CTNND2: variants seen among roughly 807,000 people sequenced by gnomAD.
CTNND2 encodes the protein catenin delta-2.
A neutral mutation model predicts 144.4 loss-of-function variants in CTNND2; 22 were observed. That is an observed-to-expected ratio of 0.15 (90% CI 0.11 to 0.22). The LOEUF (loss-of-function observed/expected upper bound fraction) is 0.22, where lower values mean the gene tolerates loss of function less well. CTNND2 is among the 10% of genes least tolerant of loss of function. The probability of loss-of-function intolerance (pLI) is 1.00; values close to 1 mark genes in which losing one functional copy is unlikely to be tolerated. For synonymous variants in CTNND2, 751 were observed against 695.6 expected (o/e 1.08, Z -1.25); for missense variants, 1,353 against 1,618.8 (o/e 0.84, Z 2.82).
chr5:10,985,180 G>A (rs2149490882), intron 20 of CTNND2, among the ~76,000 whole-genome samples: 1 of 152,332 alleles, frequency 6.6e-6, no homozygotes, highest in Middle Eastern at 3.4e-3. Context: ...AGGGTATGTG[G>A]GAAGTTCAGA....
At chr5:11,831,066 A>ATG (rs1561841176) in intron 1 of CTNND2, among the ~76,000 whole-genome samples, 8 of 152,076 alleles carry the variant, frequency 5.3e-5, no homozygotes. Flanking sequence ...GTGTGTGTTT[A>ATG]TGTGTGTCTG....
chr5:11,783,443 A>G (rs2126853069), intron 1 of CTNND2, among the ~76,000 whole-genome samples: 1 of 152,242 alleles, frequency 6.6e-6, no homozygotes, highest in Non-Finnish European at 1.5e-5. Context: ...TAAGTTGACC[A>G]AAGGCATCCT....
chr5:11,652,819 G>T (rs1317499029), intron 2 of CTNND2, among the ~76,000 whole-genome samples: 1 of 152,072 alleles, frequency 6.6e-6, no homozygotes, highest in African/African-American at 2.4e-5. Context: ...TTAATCTCAA[G>T]AATTTGTTAA....
At chr5:11,228,879 GA>G (rs995210555) in intron 10 of CTNND2, among the ~76,000 whole-genome samples, 1 of 152,092 alleles carries the variant, frequency 6.6e-6, no homozygotes, top group African/African-American at 2.4e-5. Context: ...CACTAGGACT[GA>G]AAATTTCATT....
intron 2 of CTNND2, among the ~76,000 whole-genome samples, chr5:11,613,880 G>A (rs1156962883): frequency 1.3e-5 from 2 of 152,080 alleles, no homozygotes; most frequent in Non-Finnish European, 2.9e-5. Flanking sequence ...TCTGACTCCC[G>A]AACAAAACCC....
intron 1 of CTNND2, among the ~76,000 whole-genome samples, chr5:11,887,125 A>C (rs973402597): frequency 1.3e-5 from 2 of 151,766 alleles, no homozygotes; most frequent in African/African-American, 4.8e-5. Context: ...CTGGGACTAC[A>C]GGCGCATACC....
chr5:11,301,424 G>A (rs1443561140), intron 9 of CTNND2, among the ~76,000 whole-genome samples: 1 of 152,128 alleles, frequency 6.6e-6, no homozygotes, highest in African/African-American at 2.4e-5. Context: ...ATTCCAACGT[G>A]TGTGTGTGAT....
At chr5:11,461,703 ACTT>A (rs1277699069) in intron 3 of CTNND2, among the ~76,000 whole-genome samples, 3 of 152,236 alleles carry the variant, frequency 2.0e-5, no homozygotes, top group African/African-American at 4.8e-5. Flanking sequence ...TTCAGCCAAC[ACTT>A]CTTGTAAACA....
intron 2 of CTNND2, among the ~76,000 whole-genome samples, chr5:11,644,014 A>G (rs962372635): frequency 1.3e-5 from 2 of 152,244 alleles, no homozygotes; most frequent in Non-Finnish European, 2.9e-5. Flanking sequence ...TACATAAAGC[A>G]GACCAATGAT....
At chr5:11,814,147 G>A (rs906044086) in intron 1 of CTNND2, among the ~76,000 whole-genome samples, 1 of 152,166 alleles carries the variant, frequency 6.6e-6, no homozygotes, top group Non-Finnish European at 1.5e-5. Flanking sequence ...AATAATGGAA[G>A]TCAAATATTC....
intron 2 of CTNND2, among the ~76,000 whole-genome samples, chr5:11,648,215 C>T (rs1231168106): frequency 1.4e-5 from 2 of 142,258 alleles, no homozygotes; most frequent in Admixed American, 1.4e-4. Flanking sequence ...CAGCTTTATA[C>T]AGTACACCCA....
At chr5:11,207,869 G>T (rs764811094) in intron 10 of CTNND2, among the ~76,000 whole-genome samples, 1 of 152,156 alleles carries the variant, frequency 6.6e-6, no homozygotes, top group Non-Finnish European at 1.5e-5. Flanking sequence ...TGTTGTGGGT[G>T]TGATGGTCAA....
rs569883911 is a variant in CTNND2 at position 11,093,259 on chromosome 5, G to C, written c.2637+5316C>G. Among the ~76,000 whole-genome samples the C allele has an allele frequency of 1.2e-3, 190 of 152,274 alleles. 1 individual carries two copies. Among genetic ancestry groups the C allele is most frequent in the African/African-American group, 4.5e-3 (185 of 41,560 alleles). ...AGTTCAAATCCTGGGTTTTCAGAAA[G>C]CTCAAGTACAATAGAAATAATCCAT... On this transcript the variant is annotated intron_variant, in intron 15 of 21. Transcript: ENST00000304623.
intron 9 of CTNND2, among the ~76,000 whole-genome samples, chr5:11,307,454 G>A (rs1750362661): frequency 6.6e-6 from 1 of 152,080 alleles, no homozygotes; most frequent in Non-Finnish European, 1.5e-5. Flanking sequence ...GGCCTGCTTT[G>A]GAGACTTCTT....
At chr5:11,863,883 G>T (rs959435183) in intron 1 of CTNND2, among the ~76,000 whole-genome samples, 6 of 152,154 alleles carry the variant, frequency 3.9e-5, no homozygotes, top group African/African-American at 1.4e-4. Flanking sequence ...CTACAAAATA[G>T]ATATAATAGA....
intron 10 of CTNND2, among the ~76,000 whole-genome samples, chr5:11,208,399 A>T (rs1431796567): frequency 6.6e-6 from 1 of 152,190 alleles, no homozygotes; most frequent in Non-Finnish European, 1.5e-5. Flanking sequence ...CACAAGAAAA[A>T]TAGAGAATTA....
intron 16 of CTNND2, among the ~76,000 whole-genome samples, chr5:11,065,491 T>C (rs1218532259): frequency 1.3e-5 from 2 of 152,224 alleles, no homozygotes; most frequent in African/African-American, 4.8e-5. Context: ...GAATAATTCC[T>C]CTATTTTCCC....
At chr5:11,301,499 A>T (rs27446) in intron 9 of CTNND2, among the ~76,000 whole-genome samples, 184 of 152,116 alleles carry the variant, frequency 1.2e-3, no homozygotes, top group African/African-American at 4.0e-3. Context: ...TAAGACGAAC[A>T]ACCACACATA....
intron 3 of CTNND2, among the ~76,000 whole-genome samples, chr5:11,538,724 T>C (rs1322572033): frequency 2.0e-5 from 3 of 152,198 alleles, no homozygotes; most frequent in Non-Finnish European, 4.4e-5. Context: ...GGTGTCCTGT[T>C]AGTTATTTTT....
Sources: gnomAD v4.1 joint callset for allele counts (sites outside exome capture counted in the v4.1 genomes callset) on GRCh38, gnomAD v4.1.1 for gene constraint, MANE v1.5 for transcripts, NCBI Gene and HGNC (gene_info 2026-07-23, HGNC 2026-07-21) for gene names.